The following FARS2 variants were observed in gnomAD, a reference collection of about 807,000 sequenced individuals.
FARS2 encodes phenylalanine--tRNA ligase, mitochondrial.
FARS2 carries 40 observed loss-of-function variants against 46.4 expected under a neutral mutation model. The observed-to-expected ratio is 0.86, with a 90% CI of 0.67 to 1.12. The LOEUF is 1.12. Ranked by LOEUF, FARS2 falls within the 50% of genes most tolerant of loss-of-function variation. The pLI is 0.00. For missense variants in FARS2, 513 were observed against 567.9 expected (o/e 0.90, Z 0.98); for synonymous variants, 234 against 214.9 (o/e 1.09, Z -0.78).
intron 6 of FARS2, among the ~76,000 whole-genome samples, chr6:5,676,130 G>T (rs192551759): frequency 6.6e-6 from 1 of 152,238 alleles, no homozygotes; most frequent in East Asian, 1.9e-4. Context: ...TGACAGAAAG[G>T]CTTAATTTAG....
chr6:5,656,930 A>G (rs1313153305), intron 6 of FARS2, among the ~76,000 whole-genome samples: 3 of 152,168 alleles, frequency 2.0e-5, no homozygotes, highest in East Asian at 3.8e-4. Context: ...GTGGCTAACC[A>G]TACCGTATAT....
intron 4 of FARS2, among the ~76,000 whole-genome samples, chr6:5,481,993 G>A (rs1766490263): frequency 6.6e-6 from 1 of 152,166 alleles, no homozygotes; most frequent in Non-Finnish European, 1.5e-5. Flanking sequence ...CTTGAAGGAA[G>A]GTCGTACCAG....
chr6:5,501,579 C>T (rs1436971325), intron 4 of FARS2, among the ~76,000 whole-genome samples: 2 of 152,100 alleles, frequency 1.3e-5, no homozygotes, highest in African/African-American at 2.4e-5. Context: ...TCACTGCAAC[C>T]TCCACCTCCC....
At chr6:5,690,580 T>C (rs1757625433) in intron 6 of FARS2, among the ~76,000 whole-genome samples, 1 of 151,668 alleles carries the variant, frequency 6.6e-6, no homozygotes, top group Admixed American at 6.6e-5. Flanking sequence ...GTTAGTCTGA[T>C]GGGCTTCCCT....
At chr6:5,645,573 G>A (rs750829448) in intron 6 of FARS2, among the ~76,000 whole-genome samples, 4 of 152,162 alleles carry the variant, frequency 2.6e-5, no homozygotes, top group Non-Finnish European at 4.4e-5. Flanking sequence ...CCATTTTCCC[G>A]CTTCTCCATC....
rs527793452 is a variant in FARS2 at position 5,263,715 on chromosome 6, T to C, written c.-22+2055T>C. On this transcript the variant is annotated intron_variant, in intron 1 of 6. Transcript: ENST00000274680. ...TTTAGTATTCATTTATCAAAAGTTA[T>C]CGACTACCTGTAGTTCTTTATGGAA... 2.6e-5 allele frequency among the ~76,000 whole-genome samples: 4 copies of C among 152,326 alleles called. No individual in the cohort carries two copies. The East Asian group carries it at 5.8e-4, about 22-fold the overall frequency.
In FARS2 at chr6:5,359,029, C is replaced by CTTTTTTTTTTTTTTTTTTTTTTTTTTTTT. The variant is rs764897456; in HGVS notation, c.-21-9521_-21-9520insTTTTTTTTTTTTTTTTTTTTTTTTTTTTT. Among the ~76,000 whole-genome samples, 14 of 72,516 alleles carry CTTTTTTTTTTTTTTTTTTTTTTTTTTTTT rather than the reference C, an allele frequency of 1.9e-4. 7 individuals are homozygous for CTTTTTTTTTTTTTTTTTTTTTTTTTTTTT. The highest frequency in any genetic ancestry group is 9.1e-5 in the African/African-American group (2 of 22,052). The allele number at this position is 72,516 out of a possible 152,430, so 47.6% of individuals were successfully genotyped here. A position where few individuals can be genotyped will look rare whatever the true frequency, so the allele number is the denominator to read the frequency against. The stretch of plus-strand genomic sequence containing the variant: ...TCGAATTATAGTGATGAAAAGATAC[C>CTTTTTTTTTTTTTTTTTTTTTTTTTTTTT]CTTTTTTTTTTTTTTTTTTTTTTTT... On this transcript the variant is annotated intron_variant, in intron 1 of 6. Coordinates refer to ENST00000274680, the MANE Select transcript of FARS2 (RefSeq NM_006567.5).
At chr6:5,251,884 T>C in the FARS2 span, among the ~76,000 whole-genome samples, 1 of 152,240 alleles carries the variant, frequency 6.6e-6, no homozygotes, top group Non-Finnish European at 1.5e-5. Flanking sequence ...CAGGAGCTCA[T>C]GGTTCTAATT....
intron 1 of FARS2, among the ~76,000 whole-genome samples, chr6:5,278,907 C>T (rs1766521539): frequency 6.6e-6 from 1 of 152,224 alleles, no homozygotes; most frequent in Admixed American, 6.5e-5. Context: ...CAGGCATCCT[C>T]AGGAGGCCTT....
intron 1 of FARS2, among the ~76,000 whole-genome samples, chr6:5,294,724 G>C (rs530244383): frequency 6.6e-6 from 1 of 152,188 alleles, no homozygotes; most frequent in Non-Finnish European, 1.5e-5. Flanking sequence ...ACGGAGAGAC[G>C]TGCAGGGCAA....
At chr6:5,616,237 T>G (rs1436918948) in intron 6 of FARS2, among the ~76,000 whole-genome samples, 1 of 152,160 alleles carries the variant, frequency 6.6e-6, no homozygotes, top group Non-Finnish European at 1.5e-5. Context: ...TGGGGTAGTC[T>G]GGATCCCTGA....
intron 4 of FARS2, among the ~76,000 whole-genome samples, chr6:5,523,467 TC>T (rs1413089483): frequency 6.6e-6 from 1 of 151,904 alleles, no homozygotes; most frequent in Non-Finnish European, 1.5e-5. Context: ...TCTTGGAGAT[TC>T]CCCATTAGTG....
intron 4 of FARS2, among the ~76,000 whole-genome samples, chr6:5,504,962 C>T (rs1172171812): frequency 6.6e-6 from 1 of 152,122 alleles, no homozygotes; most frequent in African/African-American, 2.4e-5. Flanking sequence ...GCCATCACAC[C>T]TGGCTTGGAC....
At chr6:5,417,524 G>T (rs1390397269) in intron 3 of FARS2, among the ~76,000 whole-genome samples, 1 of 152,146 alleles carries the variant, frequency 6.6e-6, no homozygotes, top group African/African-American at 2.4e-5. Flanking sequence ...ACTGTGCCCT[G>T]GCCCTTTTAG....
chr6:5,642,355 G>A (rs964348201), intron 6 of FARS2, among the ~76,000 whole-genome samples: 2 of 152,180 alleles, frequency 1.3e-5, no homozygotes, highest in Admixed American at 6.5e-5. Flanking sequence ...TCTGAGCACT[G>A]TAAATCCCCA....
chr6:5,361,821 G>T (rs797126), intron 1 of FARS2, among the ~76,000 whole-genome samples: 70,909 of 152,010 alleles, frequency 0.47, 18,774 homozygotes, highest in African/African-American at 0.73. Flanking sequence ...CTATTTCCCT[G>T]AAGCTAATTA....
At chr6:5,580,839 C>A (rs1428799457) in intron 5 of FARS2, among the ~76,000 whole-genome samples, 2 of 152,146 alleles carry the variant, frequency 1.3e-5, no homozygotes, top group African/African-American at 4.8e-5. Flanking sequence ...TCCTCTGTTA[C>A]CATTTGTGGA....
At chr6:5,341,226 T>TATATATAG (rs1771602489) in intron 1 of FARS2, among the ~76,000 whole-genome samples, 1 of 7,842 alleles carries the variant, frequency 1.3e-4, no homozygotes, top group African/African-American at 6.3e-4. Context: ...TATATATATA[T>TATATATAG]ATATATATAT....
At chr6:5,299,272 CATAGTTATAATGCTTCCT>C (rs1287033396) in intron 1 of FARS2, among the ~76,000 whole-genome samples, 5 of 152,162 alleles carry the variant, frequency 3.3e-5, no homozygotes, top group Non-Finnish European at 7.3e-5. Context: ...CTCTGGCGAA[CATAGTTATAATGCTTCCT>C]ACACTCCTGT....
Sources: allele counts gnomAD v4.1 joint callset (sites outside exome capture counted in the v4.1 genomes callset), GRCh38; gene constraint gnomAD v4.1.1; transcripts MANE v1.5; gene names NCBI Gene and HGNC (gene_info 2026-07-23, HGNC 2026-07-21).